The following ARID2 variants were observed in gnomAD, a reference collection of about 807,000 sequenced individuals.
The protein encoded by ARID2 is AT-rich interactive domain-containing protein 2.
In ARID2, 32 loss-of-function variants were observed where a neutral mutation model predicts 184.6. The observed-to-expected ratio is 0.17, with a 90% CI of 0.13 to 0.23. The LOEUF is 0.23. ARID2 is among the 10% of genes least tolerant of loss of function. The pLI, the probability that ARID2 is intolerant of heterozygous loss-of-function variation, is 1.00. For missense variants in ARID2, 1,696 were observed against 2,197.6 expected (o/e 0.77, Z 4.56); for synonymous variants, 836 against 772.6 (o/e 1.08, Z -1.36).
rs1359641825 is a variant in ARID2, at chr12:45,850,625, A to G, written c.2502A>G (p.Gln834=). 5 of 1,613,972 alleles carry G rather than the reference A, an allele frequency of 3.1e-6. No individual in the cohort carries two copies. The highest frequency in any genetic ancestry group is 2.7e-5 in the African/African-American group (2 of 74,896). The part of the protein sequence containing the change: ...TSPQPVQTSS[Q]QTSAGSQSQD... ...CCCAACCTGTGCAAACTTCATCTCAACAGACATCAGCTGGTAGCCAGTCAC... is the reference window on the plus strand; with the variant it reads ...CCCAACCTGTGCAAACTTCATCTCAGCAGACATCAGCTGGTAGCCAGTCAC... Residue 834 remains glutamine (Q), a synonymous_variant, in exon 15 of 21, where the codon CAA becomes CAG. Transcript: ENST00000334344.
chr12:45,733,518 T>A lies in ARID2; in HGVS notation c.284+2204T>A, dbSNP rs960451451. Among the ~76,000 whole-genome samples, 40 of 152,234 alleles carry A rather than the reference T, an allele frequency of 2.6e-4. 1 individual carries two copies. Among genetic ancestry groups the A allele is most frequent in the Non-Finnish European group, 1.6e-4 (11 of 68,032 alleles). On this transcript the variant is annotated intron_variant, in intron 3 of 20. Coordinates refer to ENST00000334344, the MANE Select transcript of ARID2 (RefSeq NM_152641.4). ...CAGATAATGCAGTGTGTTTTTTAAA[T>A]TACAAGTGGAATAATTTTTTAATAT...
At position 45,830,136 on chromosome 12, in the gene ARID2, G is replaced by A. The variant is rs115396682; in HGVS notation, c.706-6453G>A. 9.3e-3 allele frequency among the ~76,000 whole-genome samples: 1,411 copies of A among 151,232 alleles called. 22 individuals carry two copies. The highest frequency in any genetic ancestry group is 0.068 in the South Asian group (325 of 4,806). Reference sequence around the variant, plus strand: ...AATTAAAAATTAAATACACTTGATTGTTCTAATATCTAAAGCTGTTGTGAC... The same window carrying A: ...AATTAAAAATTAAATACACTTGATTATTCTAATATCTAAAGCTGTTGTGAC... On this transcript the variant is annotated intron_variant, in intron 6 of 20. Coordinates refer to ENST00000334344, the MANE Select transcript of ARID2 (RefSeq NM_152641.4).
intron 2 of ARID2, among the ~76,000 whole-genome samples, chr12:45,730,565 G>A (rs2137961228): frequency 6.6e-6 from 1 of 152,228 alleles, no homozygotes; most frequent in African/African-American, 2.4e-5. Context: ...CAGACTCTGA[G>A]AGCAGTTTTC....
intron 3 of ARID2, among the ~76,000 whole-genome samples, chr12:45,796,471 C>T (rs1029053814): frequency 3.3e-5 from 5 of 151,690 alleles, no homozygotes; most frequent in African/African-American, 9.7e-5. Flanking sequence ...AAATCTATAA[C>T]GATGTCTTTG....
Position 45,893,617 on chromosome 12 carries a change from CTTTCTT to C in ARID2, c.5272-9_5272-4del. ...ATTTAGATCTTTATTCTTTTTTTTC[CTTTCTT>C]TTTAAGGATGAAAAAGAGGGACCAA... On this transcript the variant is annotated splice_region_variant and splice_polypyrimidine_tract_variant and intron_variant, in intron 19 of 20. Transcript: ENST00000334344. The C allele has an allele frequency of 1.9e-6, 3 of 1,598,274 alleles. No homozygotes were observed. Among genetic ancestry groups the C allele is most frequent in the Non-Finnish European group, 1.7e-6 (2 of 1,175,668 alleles).
At chr12:45,846,788 A>T (rs914479391) in intron 11 of ARID2, 68 bp from the exon 12 acceptor site, 8 of 1,424,104 alleles carry the variant, frequency 5.6e-6, no homozygotes, top group Admixed American at 5.4e-5. Flanking sequence ...CAATATCCAT[A>T]AAAAAAAGTA....
chr12:45,742,023 TTCTCTACAATAGTA>T (rs2137979862), intron 3 of ARID2, among the ~76,000 whole-genome samples: 1 of 152,338 alleles, frequency 6.6e-6, no homozygotes, highest in South Asian at 2.1e-4. Flanking sequence ...AGAATCCTAG[TTCTCTACAATAGTA>T]TATATGTTCA....
rs79105254 is a variant in ARID2, at chr12:45,863,901, A to G, written c.4922+2952A>G. ...GTCTCACTATGTCACCCAGGCTTCTATGCAGTGGTGCTATCTTGATCTTGG... is the reference window on the plus strand; with the variant it reads ...GTCTCACTATGTCACCCAGGCTTCTGTGCAGTGGTGCTATCTTGATCTTGG... On this transcript the variant is annotated intron_variant, in intron 16 of 20. Coordinates refer to ENST00000334344, the MANE Select transcript of ARID2 (RefSeq NM_152641.4). Among the ~76,000 whole-genome samples, 56 of 127,128 alleles carry G rather than the reference A, an allele frequency of 4.4e-4. 1 individual carries two copies. The East Asian group carries it at 0.012, about 28-fold the overall frequency. 83.4% of individuals were successfully genotyped at this position (127,128 alleles called of 152,430 possible).
chr12:45,873,692 T>C (rs982026821), intron 16 of ARID2, among the ~76,000 whole-genome samples: 1 of 152,242 alleles, frequency 6.6e-6, no homozygotes, highest in Non-Finnish European at 1.5e-5. Flanking sequence ...AAGTAATGTT[T>C]ACACTATACT....
chr12:45,753,028 A>G (rs1290507911), intron 3 of ARID2, among the ~76,000 whole-genome samples: 4 of 152,202 alleles, frequency 2.6e-5, no homozygotes, highest in African/African-American at 9.6e-5. Context: ...TGGGAGGCTG[A>G]GGCGGGCGGA....
chr12:45,828,110 A>G (rs1943037486), intron 6 of ARID2, among the ~76,000 whole-genome samples: 2 of 152,112 alleles, frequency 1.3e-5, no homozygotes, highest in South Asian at 4.1e-4. Flanking sequence ...CACTCATGTA[A>G]TCGTTACCCA....
At chr12:45,848,578 C>T (rs1454219562) in intron 12 of ARID2, among the ~76,000 whole-genome samples, 1 of 152,048 alleles carries the variant, frequency 6.6e-6, no homozygotes, top group Admixed American at 6.6e-5. Flanking sequence ...AGCAGACCAA[C>T]CCTGCTCTCA....
chr12:45,735,135 G>A (rs571460423), intron 3 of ARID2, among the ~76,000 whole-genome samples: 3 of 151,392 alleles, frequency 2.0e-5, no homozygotes, highest in African/African-American at 7.3e-5. Flanking sequence ...GGTGGGTAAA[G>A]CTCTTTCTTA....
chr12:45,891,093 A>C (rs997919826), intron 16 of ARID2, among the ~76,000 whole-genome samples: 1 of 151,364 alleles, frequency 6.6e-6, no homozygotes, highest in Non-Finnish European at 1.5e-5. Context: ...TGAACCCAGG[A>C]GGTGGAGGTT....
intron 5 of ARID2, 125 bp downstream of exon 5, chr12:45,818,013 T>C: frequency 1.2e-5 from 8 of 688,620 alleles, no homozygotes; most frequent in Non-Finnish European, 1.8e-5. Context: ...TTTTATATTA[T>C]GCATTATTTA....
chr12:45,755,420 C>T (rs1941549043), intron 3 of ARID2, among the ~76,000 whole-genome samples: 1 of 152,142 alleles, frequency 6.6e-6, no homozygotes, highest in African/African-American at 2.4e-5. Flanking sequence ...TAAATGTGAA[C>T]TAATACTTCT....
chr12:45,797,564 A>C lies in ARID2; in HGVS notation c.285-13854A>C, dbSNP rs1419323801. ...TAAATTTTAATGAGATAAATATCTT[A>C]GTCTTTCTTGGAGATAATGATTTCT... On this transcript the variant is annotated intron_variant, in intron 3 of 20. Coordinates refer to ENST00000334344, the MANE Select transcript of ARID2 (RefSeq NM_152641.4). 2.0e-5 allele frequency among the ~76,000 whole-genome samples: 3 copies of C among 152,280 alleles called. No homozygotes were observed. In the East Asian group the frequency reaches 5.8e-4, roughly 29 times the overall value.
At chr12:45,882,329 C>T (rs1944119532) in intron 16 of ARID2, 3 of 152,138 alleles carry the variant, frequency 2.0e-5, no homozygotes, top group Non-Finnish European at 4.4e-5. Context: ...ACCCAGAAGT[C>T]CCGGAATAAG....
intron 16 of ARID2, among the ~76,000 whole-genome samples, chr12:45,866,062 A>G (rs1462453722): frequency 1.3e-5 from 2 of 152,098 alleles, no homozygotes; most frequent in Non-Finnish European, 2.9e-5. Context: ...ATTGTACATG[A>G]AAAGTATACA....
Sources: allele counts gnomAD v4.1 joint callset (sites outside exome capture counted in the v4.1 genomes callset), GRCh38; gene constraint gnomAD v4.1.1; transcripts MANE v1.5; gene names NCBI Gene and HGNC (gene_info 2026-07-23, HGNC 2026-07-21).